Variants in KCNJ1 observed in about 807,000 individuals in gnomAD.
KCNJ1 encodes the protein ATP-sensitive inward rectifier potassium channel 1.
In KCNJ1, 24 loss-of-function variants were observed where a neutral mutation model predicts 21.9. The observed-to-expected ratio is 1.10, with a 90% CI of 0.79 to 1.54. The LOEUF (loss-of-function observed/expected upper bound fraction) is 1.54, where lower values mean the gene tolerates loss of function less well. Among genes scored for constraint, KCNJ1 ranks in the 40% most tolerant of loss-of-function variants. The probability of loss-of-function intolerance (pLI) is 0.00; values close to 1 mark genes in which losing one functional copy is unlikely to be tolerated. For missense variants in KCNJ1, 457 were observed against 455.4 expected, an observed-to-expected ratio of 1.00 and a Z score of -0.03; for synonymous variants, 152 against 160.9, an observed-to-expected ratio of 0.94 and a Z score of 0.42.
intron 2 of KCNJ1, among the ~76,000 whole-genome samples, chr11:128,841,998 T>C: frequency 6.6e-6 from 1 of 152,290 alleles, no homozygotes; most frequent in Admixed American, 6.5e-5. Flanking sequence ...TCCTTTACCC[T>C]GGTCTACACC....
chr11:128,847,792 G>A (rs2135947786), intron 2 of KCNJ1, among the ~76,000 whole-genome samples: 1 of 152,336 alleles, frequency 6.6e-6, no homozygotes, highest in South Asian at 2.1e-4. Flanking sequence ...ATTTGCTGTA[G>A]TCAGAAATCA....
intron 1 of KCNJ1, among the ~76,000 whole-genome samples, chr11:128,856,781 C>T (rs1463490220): frequency 2.0e-5 from 3 of 152,108 alleles, no homozygotes; most frequent in Non-Finnish European, 2.9e-5. Context: ...TCTTTCTACA[C>T]AATATAGTCA....
chr11:128,858,846 T>C (rs977833781), intron 1 of KCNJ1, among the ~76,000 whole-genome samples: 4 of 152,232 alleles, frequency 2.6e-5, no homozygotes, highest in Admixed American at 6.5e-5. Flanking sequence ...TTGGTAGCTA[T>C]ATGTCTACCT....
chr11:128,864,074 C>CTTTTTT (rs71472076), intron 1 of KCNJ1, among the ~76,000 whole-genome samples: 14 of 86,686 alleles, frequency 1.6e-4, no homozygotes, highest in East Asian at 6.6e-4. Flanking sequence ...CTTTTTCTCT[C>CTTTTTT]TTTTTTTTTT....
intron 1 of KCNJ1, chr11:128,866,550 C>T (rs888503845): frequency 1.0e-6 from 1 of 976,288 alleles, no homozygotes; most frequent in Non-Finnish European, 1.2e-6. Context: ...AAACAGTTGG[C>T]ATTCACTGGT....
intron 2 of KCNJ1, among the ~76,000 whole-genome samples, chr11:128,843,249 G>C (rs1434021228): frequency 6.6e-6 from 1 of 152,152 alleles, no homozygotes; most frequent in Non-Finnish European, 1.5e-5. Context: ...TCTAACCACA[G>C]ACAGAGCCAA....
At chr11:128,849,538 G>A (rs990794852) in intron 2 of KCNJ1, among the ~76,000 whole-genome samples, 2 of 152,336 alleles carry the variant, frequency 1.3e-5, no homozygotes, top group Non-Finnish European at 1.5e-5. Flanking sequence ...GGAGAGGGCA[G>A]CAGGTACCCT....
chr11:128,852,508 A>G (rs1254390289), intron 1 of KCNJ1, among the ~76,000 whole-genome samples: 2 of 152,206 alleles, frequency 1.3e-5, no homozygotes, highest in South Asian at 4.1e-4. Flanking sequence ...AGTTACATTA[A>G]TGGAGCGGCA....
intron 1 of KCNJ1, among the ~76,000 whole-genome samples, chr11:128,855,454 G>A (rs961793596): frequency 6.6e-6 from 1 of 152,222 alleles, no homozygotes; most frequent in Non-Finnish European, 1.5e-5. Context: ...GGCACCCAGA[G>A]GGTGTGAGGT....
chr11:128,863,230 C>T (rs1943751782), intron 1 of KCNJ1, among the ~76,000 whole-genome samples: 1 of 152,220 alleles, frequency 6.6e-6, no homozygotes, highest in African/African-American at 2.4e-5. Context: ...CCAATAAATA[C>T]AATTCCTGAA....
intron 2 of KCNJ1, among the ~76,000 whole-genome samples, chr11:128,842,720 G>A (rs1192043901): frequency 6.6e-6 from 1 of 152,160 alleles, no homozygotes; most frequent in African/African-American, 2.4e-5. Flanking sequence ...CATGGATTGG[G>A]TTCCAGCATT....
intron 2 of KCNJ1, chr11:128,842,297 A>G (rs1485636640): frequency 7.0e-7 from 1 of 1,423,546 alleles, no homozygotes; most frequent in East Asian, 2.3e-5. Flanking sequence ...TCACTTGAAT[A>G]ACGTTGAGTT....
At chr11:128,840,347 A>G (rs1943263194) in intron 2 of KCNJ1, 83 bp from the exon 3 acceptor site, 10 of 1,301,982 alleles carry the variant, frequency 7.7e-6, no homozygotes, top group Non-Finnish European at 1.1e-5. Context: ...AGACCTAACT[A>G]CGAAAAGATC....
At chr11:128,848,239 G>A (rs1203822156) in intron 2 of KCNJ1, among the ~76,000 whole-genome samples, 5 of 134,006 alleles carry the variant, frequency 3.7e-5, no homozygotes, top group African/African-American at 1.4e-4. Context: ...AGTGAGCCAA[G>A]ATCGCACCAC....
chr11:128,839,510 G>C lies in KCNJ1; in HGVS notation c.734C>G (p.Ser245Cys). The C allele has an allele frequency of 6.2e-7, 1 of 1,614,168 alleles. No individual in the cohort carries two copies. The highest frequency in any genetic ancestry group is 1.3e-5 in the African/African-American group (1 of 75,030). ...AATGACATGGTAAATTGTCAATGGG[G>C]AGATGAAGAATAAATTTTCATTCCC... is the stretch of plus-strand genomic sequence containing the variant. ...DAGNENLFFI[S>C]PLTIYHVIDH... The change falls in exon 3 of 3, where the codon TCC (serine) becomes TGC (cysteine). Residue 245 changes from serine (S) to cysteine (C), a missense_variant. Physicochemically the swap from Ser to Cys is moderately radical, Grantham distance 112. Coordinates refer to ENST00000392666, the MANE Select transcript of KCNJ1 (RefSeq NM_153766.3).
At chr11:128,841,382 C>T (rs780102791) in intron 2 of KCNJ1, among the ~76,000 whole-genome samples, 7 of 152,102 alleles carry the variant, frequency 4.6e-5, no homozygotes, top group African/African-American at 1.7e-4. Flanking sequence ...TTTCAAAATC[C>T]TATTTGCTCA....
chr11:128,864,888 C>T (rs914700656), intron 1 of KCNJ1, among the ~76,000 whole-genome samples: 7 of 152,140 alleles, frequency 4.6e-5, no homozygotes, highest in Admixed American at 2.6e-4. Flanking sequence ...CTCTAGTCCA[C>T]CTTGCACTGT....
chr11:128,852,472 C>T (rs989003779), intron 1 of KCNJ1, among the ~76,000 whole-genome samples: 3 of 152,200 alleles, frequency 2.0e-5, no homozygotes, highest in Admixed American at 6.5e-5. Flanking sequence ...TTACCAGTTT[C>T]GGCTTGGGTT....
intron 2 of KCNJ1, among the ~76,000 whole-genome samples, chr11:128,843,465 C>T (rs74907387): frequency 0.017 from 2,562 of 152,256 alleles, 39 homozygotes; most frequent in Non-Finnish European, 0.023. Context: ...TTCTTTAGTG[C>T]CTCAGCATTC....
Sources: allele counts gnomAD v4.1 joint callset (sites outside exome capture counted in the v4.1 genomes callset), GRCh38; gene constraint gnomAD v4.1.1; transcripts MANE v1.5; gene names NCBI Gene and HGNC (gene_info 2026-07-23, HGNC 2026-07-21).